PGAP1: variants seen among roughly 807,000 people sequenced by gnomAD.
PGAP1 encodes GPI inositol-deacylase.
Under a neutral mutation model 127.0 loss-of-function variants are expected in PGAP1, and 76 were observed. The observed-to-expected ratio is 0.60, with a 90% CI of 0.50 to 0.72. The LOEUF (loss-of-function observed/expected upper bound fraction) is 0.72, where lower values mean the gene tolerates loss of function less well. PGAP1 is among the 30% of genes least tolerant of loss of function. PGAP1 has a pLI of 0.00. For synonymous variants in PGAP1, 362 were observed against 366.5 expected (o/e 0.99, Z 0.14); for missense variants, 982 against 1,071.3 (o/e 0.92, Z 1.16).
At chr2:196,926,357 G>C in intron 1 of PGAP1, 113 bp downstream of exon 1, 2 of 1,525,058 alleles carry the variant, frequency 1.3e-6, no homozygotes, top group Non-Finnish European at 1.8e-6. Context: ...GCGAGGACGG[G>C]ACAGGGGGCC....
chr2:196,852,316 G>C (rs1420920422), intron 20 of PGAP1, among the ~76,000 whole-genome samples: 1 of 151,978 alleles, frequency 6.6e-6, no homozygotes, highest in Non-Finnish European at 1.5e-5. Flanking sequence ...CAATAAATGA[G>C]TACTCATACA....
Position 196,849,261 on chromosome 2 carries a change from A to ATT in PGAP1, c.1862-1226_1862-1225dup, listed in dbSNP as rs747641877. Among the ~76,000 whole-genome samples the ATT allele has an allele frequency of 1.3e-3, 182 of 135,958 alleles. No individual in the cohort carries two copies. In the East Asian group the frequency reaches 0.017, roughly 13 times the overall value. The allele number at this position is 135,958 out of a possible 152,430, so 89.2% of individuals were successfully genotyped here. A position where few individuals can be genotyped will look rare whatever the true frequency, so the allele number is the denominator to read the frequency against. Reference sequence around the variant, plus strand: ...TGGTTGATGTCATAGTGTCAGAATAATTTTTTTTTTTTTTTTTTTTTTATA... The same window carrying ATT: ...TGGTTGATGTCATAGTGTCAGAATAATTTTTTTTTTTTTTTTTTTTTTTTATA... On this transcript the variant is annotated intron_variant, in intron 20 of 26. Transcript: ENST00000354764.
chr2:196,876,913 G>T (rs1236704528), intron 13 of PGAP1, among the ~76,000 whole-genome samples: 1 of 151,952 alleles, frequency 6.6e-6, no homozygotes, highest in Non-Finnish European at 1.5e-5. Context: ...AACACAGTCA[G>T]ATATTTTCAT....
At chr2:196,846,892 A>T in intron 22 of PGAP1, 111 bp downstream of exon 22, 1 of 890,340 alleles carries the variant, frequency 1.1e-6, no homozygotes, top group Non-Finnish European at 1.7e-6. Context: ...CGCTAGTTAT[A>T]TATTTTTCCT....
intron 20 of PGAP1, among the ~76,000 whole-genome samples, chr2:196,855,682 A>C (rs1700858341): frequency 6.6e-6 from 1 of 152,200 alleles, no homozygotes. Flanking sequence ...TTTCTGAACA[A>C]AGATGGAATC....
At chr2:196,917,718 A>G (rs1364964956) in intron 2 of PGAP1, among the ~76,000 whole-genome samples, 2 of 152,096 alleles carry the variant, frequency 1.3e-5, no homozygotes, top group Non-Finnish European at 2.9e-5. Context: ...TGAATATGTC[A>G]TATTTGATTC....
chr2:196,922,154 T>C (rs1227315823), intron 1 of PGAP1: 12 of 1,297,044 alleles, frequency 9.3e-6, no homozygotes, highest in Non-Finnish European at 1.2e-5. Flanking sequence ...TCCTCCTTCC[T>C]TGACTCTGCC....
chr2:196,835,256 T>C lies in PGAP1; in HGVS notation c.*5978A>G, dbSNP rs569314213. 6.6e-6 allele frequency: 1 copy of C among 152,122 alleles called. No homozygotes were observed. The highest frequency in any genetic ancestry group is 2.1e-4 in the South Asian group (1 of 4,822). 9.4% of individuals were successfully genotyped at this position (152,122 alleles called of 1,614,324 possible). ...TATTAAAAGGTTGTACTATGTTAGG[T>C]TCCAGTGGACAAGTTCCCCTGTGAA... On this transcript the variant is annotated 3_prime_UTR_variant, in exon 27 of 27. Coordinates refer to ENST00000354764, the MANE Select transcript of PGAP1 (RefSeq NM_024989.4).
Position 196,873,003 on chromosome 2 carries a change from G to A in PGAP1, c.1576C>T (p.Leu526Phe). Residue 526 changes from leucine to phenylalanine, a missense_variant, in exon 17 of 27, where the codon CTT (leucine) becomes TTT (phenylalanine). Transcript: ENST00000354764. ...VKEEITSIYRLHIPWSYEDSL... is the reference protein window; with the variant it reads ...VKEEITSIYRFHIPWSYEDSL... The stretch of plus-strand genomic sequence containing the variant: ...TCTTCATAAGACCAAGGAATATGAA[G>A]TCTATAGATACTGGTTATTTCTTCT... The A allele has an allele frequency of 2.0e-6, 2 of 1,006,770 alleles. No individual in the cohort carries two copies. The highest frequency in any genetic ancestry group is 3.0e-5 in the South Asian group (2 of 65,642). 62.4% of individuals were successfully genotyped at this position (1,006,770 alleles called of 1,614,324 possible).
chr2:196,896,726 A>G (rs898653235), intron 7 of PGAP1, among the ~76,000 whole-genome samples: 1 of 146,028 alleles, frequency 6.8e-6, no homozygotes, highest in African/African-American at 2.5e-5. Context: ...GCTCCTCAGG[A>G]GGCTAGGTGG....
intron 1 of PGAP1, among the ~76,000 whole-genome samples, chr2:196,922,887 G>A (rs1034381841): frequency 4.0e-5 from 6 of 151,118 alleles, no homozygotes; most frequent in Admixed American, 2.6e-4. Flanking sequence ...ACAGGGTTTC[G>A]CCATGTTATC....
intron 4 of PGAP1, among the ~76,000 whole-genome samples, chr2:196,903,620 C>A (rs1045586461): frequency 2.7e-5 from 4 of 150,420 alleles, no homozygotes; most frequent in African/African-American, 9.8e-5. Context: ...CTGTGGCCAA[C>A]CACCACCACA....
In PGAP1 at chr2:196,913,536, TA is replaced by T. The variant is rs1345721541; in HGVS notation, c.478-484del. Among the ~76,000 whole-genome samples the T allele has an allele frequency of 2.0e-5, 3 of 152,384 alleles. 1 individual carries two copies. The highest frequency in any genetic ancestry group is 2.0e-4 in the Admixed American group (3 of 15,310). ...TATTTCTCTATTGTGCATTTTGGTT[TA>T]AAAACGAAGCAGCATTCCAAACATT... On this transcript the variant is annotated intron_variant, in intron 3 of 26. Transcript: ENST00000354764.
chr2:196,905,837 GACGGACGC>G (rs1702691695), intron 4 of PGAP1, among the ~76,000 whole-genome samples: 1 of 124,030 alleles, frequency 8.1e-6, no homozygotes, highest in Non-Finnish European at 1.7e-5. Context: ...AGAAAGGGGT[GACGGACGC>G]ACCTGGAAAA....
intron 4 of PGAP1, among the ~76,000 whole-genome samples, chr2:196,905,220 T>C (rs1188084786): frequency 6.6e-6 from 1 of 152,160 alleles, no homozygotes; most frequent in African/African-American, 2.4e-5. Context: ...TCTATACGGG[T>C]CATCTACATA....
intron 14 of PGAP1, among the ~76,000 whole-genome samples, chr2:196,874,672 T>C (rs1369046684): frequency 3.3e-5 from 5 of 152,212 alleles, no homozygotes; most frequent in African/African-American, 1.2e-4. Flanking sequence ...GAAATCCTCA[T>C]TGCTTCTGTG....
In PGAP1 at chr2:196,845,881, C is replaced by T. The variant is rs1406991265; in HGVS notation, c.2286+1G>A. On this transcript the variant is annotated splice_donor_variant, in intron 23 of 26. Coordinates refer to ENST00000354764, the MANE Select transcript of PGAP1 (RefSeq NM_024989.4). LOFTEE classifies it high-confidence loss of function. ...ATTTTGGCTTTACTGATTTGACATA[C>T]CTTAAACACATAGTAAAGATAAGAA... The T allele has an allele frequency of 2.5e-6, 4 of 1,603,306 alleles. No individual in the cohort carries two copies. The highest frequency in any genetic ancestry group is 3.4e-6 in the Non-Finnish European group (4 of 1,173,954).
intron 11 of PGAP1, 114 bp from the exon 12 acceptor site, chr2:196,885,589 T>C (rs976841888): frequency 6.4e-6 from 5 of 780,258 alleles, no homozygotes; most frequent in African/African-American, 5.4e-5. Flanking sequence ...GAGATGTCTA[T>C]TGAGCCTAAT....
chr2:196,915,959 G>A (rs914675556), intron 3 of PGAP1, among the ~76,000 whole-genome samples: 4 of 152,196 alleles, frequency 2.6e-5, no homozygotes, highest in South Asian at 2.1e-4. Flanking sequence ...AAACGCTTCC[G>A]GGCAGAAATC....
Sources: allele counts gnomAD v4.1 joint callset (sites outside exome capture counted in the v4.1 genomes callset), GRCh38; gene constraint gnomAD v4.1.1; transcripts MANE v1.5; gene names NCBI Gene and HGNC (gene_info 2026-07-23, HGNC 2026-07-21).